The following CNTNAP2 variants were observed in gnomAD, a reference collection of about 807,000 sequenced individuals.
The protein encoded by CNTNAP2 is contactin associated protein 2, also known as contactin-associated protein-like 2.
A neutral mutation model predicts 155.2 loss-of-function variants in CNTNAP2; 98 were observed. The observed-to-expected ratio is 0.63, with a 90% CI of 0.54 to 0.75. CNTNAP2 has a LOEUF of 0.75. Ranked by LOEUF, CNTNAP2 falls within the 30% of genes least tolerant of loss-of-function variation. The probability of loss-of-function intolerance (pLI) is 0.00; values close to 1 mark genes in which losing one functional copy is unlikely to be tolerated. For missense variants in CNTNAP2, 1,727 were observed against 1,688.1 expected, an observed-to-expected ratio of 1.02 and a Z score of -0.40; for synonymous variants, 651 against 631.2, an observed-to-expected ratio of 1.03 and a Z score of -0.47.
intron 12 of CNTNAP2, among the ~76,000 whole-genome samples, chr7:147,583,770 T>C (rs1033844577): frequency 3.9e-5 from 6 of 152,100 alleles, no homozygotes; most frequent in African/African-American, 1.4e-4. Flanking sequence ...TTACTGTCAG[T>C]GTCTCAGTTA....
chr7:147,095,648 A>C (rs1283650478), intron 4 of CNTNAP2, among the ~76,000 whole-genome samples: 1 of 151,720 alleles, frequency 6.6e-6, no homozygotes, highest in Non-Finnish European at 1.5e-5. Context: ...TTTGAATCTG[A>C]CATCACTACA....
chr7:147,714,959 T>C (rs1203796006), intron 13 of CNTNAP2, among the ~76,000 whole-genome samples: 5 of 152,160 alleles, frequency 3.3e-5, no homozygotes, highest in Non-Finnish European at 7.4e-5. Flanking sequence ...TTAAGATTTT[T>C]TTCACCCAGC....
chr7:147,842,587 C>CTT (rs3055146), intron 13 of CNTNAP2, among the ~76,000 whole-genome samples: 4 of 84,402 alleles, frequency 4.7e-5, no homozygotes, highest in Admixed American at 1.5e-4. Flanking sequence ...TTTTACTTTT[C>CTT]TTTTTTTTTT....
rs190745645 is a variant in CNTNAP2 at position 147,948,934 on chromosome 7, G to A, written c.2256-28928G>A. Reference sequence around the variant, plus strand: ...AAAATCATAATGGCCAAGCACGGTGGCCCACACCTGTAATCCCAGCACTTT... The same window carrying A: ...AAAATCATAATGGCCAAGCACGGTGACCCACACCTGTAATCCCAGCACTTT... On this transcript the variant is annotated intron_variant, in intron 14 of 23. Transcript: ENST00000361727. Among the ~76,000 whole-genome samples the A allele has an allele frequency of 2.8e-4, 43 of 152,156 alleles. No homozygotes were observed. In the East Asian group the frequency reaches 7.3e-3, roughly 26 times the overall value.
intron 12 of CNTNAP2, among the ~76,000 whole-genome samples, chr7:147,588,267 CT>C (rs751322214): frequency 6.6e-6 from 1 of 151,954 alleles, no homozygotes; most frequent in Non-Finnish European, 1.5e-5. Flanking sequence ...TTGGACCCTC[CT>C]TTGTGAGAAG....
Position 147,513,882 on chromosome 7 carries a change from G to C in CNTNAP2, c.1777+27841G>C, listed in dbSNP as rs933133649. ...GATAAGAAATTATCAGACAAGAACAGGATCAGACCTGGATTTTTCTGTTTT... is the reference window on the plus strand; with the variant it reads ...GATAAGAAATTATCAGACAAGAACACGATCAGACCTGGATTTTTCTGTTTT... On this transcript the variant is annotated intron_variant, in intron 11 of 23. Coordinates refer to ENST00000361727, the MANE Select transcript of CNTNAP2 (RefSeq NM_014141.6). 4.6e-5 allele frequency among the ~76,000 whole-genome samples: 7 copies of C among 152,282 alleles called. No individual in the cohort carries two copies. In the East Asian group the frequency reaches 1.2e-3, roughly 25 times the overall value.
rs3050792 is a variant in CNTNAP2 at position 147,353,096 on chromosome 7, G to C, written c.1499-42513G>C. ...GTAGAATTCTTTATATATATATATA[G>C]ACACACACACACATGTATATGTATA... On this transcript the variant is annotated intron_variant, in intron 9 of 23. Transcript: ENST00000361727. Among the ~76,000 whole-genome samples, 189 of 102,848 alleles carry C rather than the reference G, an allele frequency of 1.8e-3. 2 individuals carry two copies. Among genetic ancestry groups the C allele is most frequent in the South Asian group, 9.8e-3 (34 of 3,452 alleles). 67.5% of individuals were successfully genotyped at this position (102,848 alleles called of 152,430 possible).
intron 4 of CNTNAP2, among the ~76,000 whole-genome samples, chr7:147,063,488 A>T (rs2129263215): frequency 6.6e-6 from 1 of 152,266 alleles, no homozygotes; most frequent in East Asian, 1.9e-4. Flanking sequence ...AGGGAGGAGG[A>T]GATAACAGCA....
chr7:147,012,150 G>A (rs958839523), intron 3 of CNTNAP2, among the ~76,000 whole-genome samples: 1 of 152,132 alleles, frequency 6.6e-6, no homozygotes, highest in Non-Finnish European at 1.5e-5. Context: ...CCTTTATGAT[G>A]GGGTGGGAAG....
chr7:148,409,265 T>C, intron 22 of CNTNAP2, 126 bp from the exon 23 acceptor site: 1 of 764,232 alleles, frequency 1.3e-6, no homozygotes, highest in South Asian at 1.5e-5. Flanking sequence ...GACGGGTCCA[T>C]CTGAAATGGA....
intron 2 of CNTNAP2, among the ~76,000 whole-genome samples, chr7:146,825,600 T>C (rs1250700133): frequency 6.6e-6 from 1 of 152,172 alleles, no homozygotes; most frequent in African/African-American, 2.4e-5. Flanking sequence ...TTATAACCTA[T>C]GTTTTCAAGT....
At chr7:146,193,453 G>T (rs1330110766) in intron 1 of CNTNAP2, among the ~76,000 whole-genome samples, 1 of 152,234 alleles carries the variant, frequency 6.6e-6, no homozygotes, top group South Asian at 2.1e-4. Flanking sequence ...TGCATTCACA[G>T]GTTCAGTGCC....
Position 146,131,836 on chromosome 7 carries a change from C to T in CNTNAP2, c.97+14863C>T, listed in dbSNP as rs557132043. Among the ~76,000 whole-genome samples, 15 of 152,128 alleles carry T rather than the reference C, an allele frequency of 9.9e-5. No homozygotes were observed. The East Asian group carries it at 1.7e-3, about 18-fold the overall frequency. On this transcript the variant is annotated intron_variant, in intron 1 of 23. Coordinates refer to ENST00000361727, the MANE Select transcript of CNTNAP2 (RefSeq NM_014141.6). ...GAGGGAGGTAATTGGATTATGAGCG[C>T]GGTTTCCCCCATGCTGTTCTCGTGA...
Position 147,881,374 on chromosome 7 carries a change from T to A in CNTNAP2, c.2099-22191T>A, listed in dbSNP as rs79962231. 8.1e-4 allele frequency among the ~76,000 whole-genome samples: 124 copies of A among 152,294 alleles called. 1 individual carries two copies. In the East Asian group the frequency reaches 0.02, roughly 25 times the overall value. On this transcript the variant is annotated intron_variant, in intron 13 of 23. Transcript: ENST00000361727. ...TTACCAAAGGTGTGTATTGTAGTCA[T>A]GGGACTGAATTCATGAAGTCATTTA...
chr7:147,033,670 T>A (rs1799088643), intron 3 of CNTNAP2, among the ~76,000 whole-genome samples: 1 of 152,010 alleles, frequency 6.6e-6, no homozygotes. Flanking sequence ...CACTGAACAC[T>A]GTGGTCATCA....
intron 1 of CNTNAP2, among the ~76,000 whole-genome samples, chr7:146,506,725 T>G (rs1021937835): frequency 6.6e-6 from 1 of 152,234 alleles, no homozygotes; most frequent in Non-Finnish European, 1.5e-5. Context: ...CCAGTGAAGA[T>G]TACCATAGGT....
chr7:146,708,942 ATATAAAT>A (rs1175698683), intron 1 of CNTNAP2, among the ~76,000 whole-genome samples: 7 of 152,078 alleles, frequency 4.6e-5, no homozygotes, highest in Non-Finnish European at 1.0e-4. Context: ...TATGTTTGAG[ATATAAAT>A]TATAATTCAG....
chr7:147,311,117 C>T (rs1002383380), intron 9 of CNTNAP2, among the ~76,000 whole-genome samples: 4 of 152,050 alleles, frequency 2.6e-5, no homozygotes, highest in Non-Finnish European at 4.4e-5. Context: ...AAACTGACTT[C>T]GCAGGGTTCT....
intron 16 of CNTNAP2, among the ~76,000 whole-genome samples, chr7:148,120,329 C>A (rs1563205776): frequency 6.6e-6 from 1 of 151,602 alleles, no homozygotes; most frequent in Non-Finnish European, 1.5e-5. Context: ...TGCAATGGTG[C>A]AATCATGGTT....
Sources: gnomAD v4.1 joint callset for allele counts (sites outside exome capture counted in the v4.1 genomes callset) on GRCh38, gnomAD v4.1.1 for gene constraint, MANE v1.5 for transcripts, NCBI Gene and HGNC (gene_info 2026-07-23, HGNC 2026-07-21) for gene names.